The following CCSER1 variants were observed in gnomAD, a reference collection of about 807,000 sequenced individuals.
CCSER1 encodes the protein coiled-coil serine rich protein 1, also known as serine-rich coiled-coil domain-containing protein 1.
Under a neutral mutation model 82.0 loss-of-function variants are expected in CCSER1, and 41 were observed. The ratio of observed to expected loss-of-function variants is 0.50; its 90% CI spans 0.39 to 0.65. The LOEUF is 0.65. Among genes scored for constraint, CCSER1 ranks in the 30% least tolerant of loss-of-function variants. The pLI is 0.00. For missense variants in CCSER1, 1,119 were observed against 1,064.2 expected (o/e 1.05, Z -0.72); for synonymous variants, 414 against 383.9 (o/e 1.08, Z -0.92).
intron 1 of CCSER1, among the ~76,000 whole-genome samples, chr4:90,212,850 T>C (rs778994496): frequency 6.6e-6 from 1 of 152,118 alleles, no homozygotes; most frequent in Non-Finnish European, 1.5e-5. Context: ...GGAAGAATAT[T>C]TTAGGCAAAG....
chr4:91,379,487 G>A (rs527578365), intron 10 of CCSER1, among the ~76,000 whole-genome samples: 1 of 152,180 alleles, frequency 6.6e-6, no homozygotes, highest in Admixed American at 6.5e-5. Context: ...TTGGGAGGGT[G>A]TATGTGTCCA....
At chr4:91,055,751 C>A (rs1404837056) in intron 9 of CCSER1, among the ~76,000 whole-genome samples, 1 of 147,374 alleles carries the variant, frequency 6.8e-6, no homozygotes. Flanking sequence ...TGCCCCTCTC[C>A]CCCTCTCCCC....
At chr4:91,032,509 G>A (rs1249392307) in intron 9 of CCSER1, among the ~76,000 whole-genome samples, 1 of 152,128 alleles carries the variant, frequency 6.6e-6, no homozygotes, top group Non-Finnish European at 1.5e-5. Flanking sequence ...ACTTTGAAAA[G>A]CAAGAAATAA....
Position 90,993,384 on chromosome 4 carries a change from T to A in CCSER1, c.2172+69937T>A, listed in dbSNP as rs575088846. On this transcript the variant is annotated intron_variant, in intron 9 of 10. Coordinates refer to ENST00000509176, the MANE Select transcript of CCSER1 (RefSeq NM_001145065.2). The stretch of plus-strand genomic sequence containing the variant: ...TTAAAAAGCTTCCAGATGATTTAAT[T>A]TGCAGCTATAATGGATAACTAATGA... Among the ~76,000 whole-genome samples, 16 of 152,186 alleles carry A rather than the reference T, an allele frequency of 1.1e-4. No individual in the cohort carries two copies. The East Asian group carries it at 3.1e-3, about 30-fold the overall frequency.
chr4:91,583,552 G>A (rs1763836179), intron 10 of CCSER1, among the ~76,000 whole-genome samples: 1 of 151,364 alleles, frequency 6.6e-6, no homozygotes, highest in Non-Finnish European at 1.5e-5. Context: ...TTTCTATAGA[G>A]TTCCTTGACA....
intron 9 of CCSER1, among the ~76,000 whole-genome samples, chr4:90,931,277 A>G (rs1318362280): frequency 2.6e-5 from 4 of 151,622 alleles, no homozygotes; most frequent in Non-Finnish European, 5.9e-5. Flanking sequence ...GCATTCTTTA[A>G]TTTTTCTGTG....
At chr4:90,536,343 AT>A (rs1775359225) in intron 5 of CCSER1, among the ~76,000 whole-genome samples, 2 of 151,978 alleles carry the variant, frequency 1.3e-5, no homozygotes, top group Non-Finnish European at 2.9e-5. Flanking sequence ...CTAATATTCC[AT>A]TTTTATGAAT....
chr4:91,445,913 G>A (rs1032174135), intron 10 of CCSER1, among the ~76,000 whole-genome samples: 1 of 151,716 alleles, frequency 6.6e-6, no homozygotes, highest in Non-Finnish European at 1.5e-5. Context: ...CTGCCACCCT[G>A]CATTTCCATA....
At chr4:90,158,857 C>T (rs530159219) in intron 1 of CCSER1, among the ~76,000 whole-genome samples, 349 of 152,176 alleles carry the variant, frequency 2.3e-3, no homozygotes, top group African/African-American at 3.6e-3. Flanking sequence ...CACCCTGCTT[C>T]GGCTCGCGCA....
intron 10 of CCSER1, among the ~76,000 whole-genome samples, chr4:91,315,952 G>C (rs939746268): frequency 6.6e-6 from 1 of 151,914 alleles, no homozygotes; most frequent in Non-Finnish European, 1.5e-5. Flanking sequence ...CACATGTCAT[G>C]GGAAGGAGCT....
intron 6 of CCSER1, among the ~76,000 whole-genome samples, chr4:90,690,422 AG>A (rs1360515925): frequency 6.6e-6 from 1 of 152,078 alleles, no homozygotes; most frequent in Non-Finnish European, 1.5e-5. Flanking sequence ...GCTTAGAGAA[AG>A]GTTTCTCTTA....
chr4:91,165,221 A>T (rs1420422267), intron 10 of CCSER1, among the ~76,000 whole-genome samples: 1 of 152,152 alleles, frequency 6.6e-6, no homozygotes, highest in Non-Finnish European at 1.5e-5. Flanking sequence ...AGTTTGCTGG[A>T]GGTCCACTCC....
chr4:90,796,061 A>G (rs4572837), intron 7 of CCSER1, among the ~76,000 whole-genome samples: 11,026 of 151,912 alleles, frequency 0.073, 501 homozygotes, highest in East Asian at 0.15. Flanking sequence ...AGTTTCAGGA[A>G]GAAACATACT....
At chr4:91,030,961 T>C (rs2150554422) in intron 9 of CCSER1, among the ~76,000 whole-genome samples, 1 of 152,318 alleles carries the variant, frequency 6.6e-6, no homozygotes, top group Non-Finnish European at 1.5e-5. Flanking sequence ...TGGTCACACC[T>C]TCTGTCTTCA....
In CCSER1 at chr4:90,363,405, A is replaced by T. The variant is rs577288628; in HGVS notation, c.1510-36631A>T. On this transcript the variant is annotated intron_variant, in intron 3 of 10. Transcript: ENST00000509176. ...AAAATCATAGACTTTTTGACATATAATAGTTGCCACATAAATTGGTGAATG... is the reference window on the plus strand; with the variant it reads ...AAAATCATAGACTTTTTGACATATATTAGTTGCCACATAAATTGGTGAATG... 3.3e-5 allele frequency among the ~76,000 whole-genome samples: 5 copies of T among 152,284 alleles called. No homozygotes were observed. The South Asian group carries it at 8.3e-4, about 25-fold the overall frequency.
Position 90,319,609 on chromosome 4 carries a change from G to A in CCSER1, c.1509+6562G>A, listed in dbSNP as rs969923975. 4.6e-5 allele frequency among the ~76,000 whole-genome samples: 7 copies of A among 150,964 alleles called. No individual in the cohort carries two copies. In the East Asian group the frequency reaches 9.8e-4, roughly 21 times the overall value. ...AGAGGTTGCAGTGAGCCGAGATCGC[G>A]CCACTGCACTACAGTCTGGGCAACA... On this transcript the variant is annotated intron_variant, in intron 3 of 10. Transcript: ENST00000509176.
At chr4:90,832,405 T>C (rs1761235108) in intron 8 of CCSER1, among the ~76,000 whole-genome samples, 1 of 152,112 alleles carries the variant, frequency 6.6e-6, no homozygotes, top group South Asian at 2.1e-4. Flanking sequence ...ATGAAGCTTT[T>C]GTTTTCTAGT....
At chr4:91,558,606 C>A (rs1214038461) in intron 10 of CCSER1, among the ~76,000 whole-genome samples, 1 of 151,562 alleles carries the variant, frequency 6.6e-6, no homozygotes, top group East Asian at 1.9e-4. Context: ...ACTTACCGTT[C>A]CACATGGCTG....
At chr4:91,006,074 A>G (rs1446195767) in intron 9 of CCSER1, among the ~76,000 whole-genome samples, 7 of 152,172 alleles carry the variant, frequency 4.6e-5, no homozygotes, top group Admixed American at 3.9e-4. Context: ...ATGGTTCCAT[A>G]TGACTTTTAA....
Sources: allele counts gnomAD v4.1 joint callset (sites outside exome capture counted in the v4.1 genomes callset), GRCh38; gene constraint gnomAD v4.1.1; transcripts MANE v1.5; gene names NCBI Gene and HGNC (gene_info 2026-07-23, HGNC 2026-07-21).